Variants in INHBC observed in about 807,000 individuals in gnomAD.
INHBC encodes the protein inhibin beta C chain.
INHBC carries 10 observed loss-of-function variants against 12.4 expected under a neutral mutation model. That is an observed-to-expected ratio of 0.81 (90% confidence interval 0.50 to 1.37). INHBC has a LOEUF of 1.37. Among genes scored for constraint, INHBC ranks in the 40% most tolerant of loss-of-function variants. INHBC has a pLI of 0.00. For missense variants in INHBC, 382 were observed against 439.4 expected, an observed-to-expected ratio of 0.87 and a Z score of 1.17; for synonymous variants, 147 against 171.6, an observed-to-expected ratio of 0.86 and a Z score of 1.12.
At chr12:57,436,167 C>CTTT (rs35783961) in intron 1 of INHBC, among the ~76,000 whole-genome samples, 2 of 118,390 alleles carry the variant, frequency 1.7e-5, no homozygotes, top group Non-Finnish European at 3.5e-5. Context: ...TTTTAAAAAA[C>CTTT]TTTTTTTTTT....
intron 1 of INHBC, among the ~76,000 whole-genome samples, chr12:57,437,894 TC>T (rs1418059997): frequency 2.6e-5 from 4 of 151,564 alleles, no homozygotes; most frequent in African/African-American, 9.7e-5. Flanking sequence ...CAAGCCATTC[TC>T]CTGCCTCAGC....
intron 1 of INHBC, among the ~76,000 whole-genome samples, chr12:57,441,291 T>A (rs1594727294): frequency 7.0e-6 from 1 of 142,652 alleles, no homozygotes; most frequent in South Asian, 2.2e-4. Flanking sequence ...GGGGTGGAGG[T>A]TGCAGTGAGC....
Position 57,449,793 on chromosome 12 carries a change from T to C in INHBC, c.830T>C (p.Ile277Thr), listed in dbSNP as rs893312220. The C allele has an allele frequency of 6.2e-7, 1 of 1,614,198 alleles. No homozygotes were observed. The change falls in exon 2 of 2, where the codon ATA becomes ACA. Residue 277 changes from isoleucine to threonine, a missense_variant. Ile to Thr is a moderately conservative substitution (Grantham distance 89, BLOSUM62 -1). Transcript: ENST00000309668. ...QPEGYAMNFC[I>T]GQCPLHIAGM... ...GAGGGCTACGCCATGAACTTCTGCATAGGGCAGTGCCCACTACACATAGCA... is the reference window on the plus strand; with the variant it reads ...GAGGGCTACGCCATGAACTTCTGCACAGGGCAGTGCCCACTACACATAGCA...
intron 1 of INHBC, among the ~76,000 whole-genome samples, chr12:57,443,576 G>A (rs1029844312): frequency 5.3e-5 from 8 of 151,562 alleles, no homozygotes; most frequent in African/African-American, 1.7e-4. Flanking sequence ...GAGCCACTGC[G>A]CCGGGCCTCA....
At chr12:57,445,192 T>A (rs1489897313) in intron 1 of INHBC, among the ~76,000 whole-genome samples, 1 of 152,224 alleles carries the variant, frequency 6.6e-6, no homozygotes, top group Non-Finnish European at 1.5e-5. Flanking sequence ...GTGTAGTAGT[T>A]AAGTGTCAAA....
chr12:57,437,329 GAGTATAT>G (rs2139829903), intron 1 of INHBC, among the ~76,000 whole-genome samples: 1 of 152,190 alleles, frequency 6.6e-6, no homozygotes, highest in East Asian at 1.9e-4. Context: ...GGAATAGTTG[GAGTATAT>G]AGTGAGCAGA....
At chr12:57,441,154 G>T (rs1870454357) in intron 1 of INHBC, among the ~76,000 whole-genome samples, 1 of 152,064 alleles carries the variant, frequency 6.6e-6, no homozygotes, top group African/African-American at 2.4e-5. Context: ...AGGAGTTCGA[G>T]ATCAGCCTGA....
At chr12:57,445,004 G>C (rs1242398354) in intron 1 of INHBC, among the ~76,000 whole-genome samples, 1 of 152,140 alleles carries the variant, frequency 6.6e-6, no homozygotes, top group Non-Finnish European at 1.5e-5. Context: ...AGATAGATTA[G>C]GAAGGAAGCC....
In INHBC at chr12:57,451,943, T is replaced by C. The variant is rs1054264716; in HGVS notation, c.*1921T>C. 8.3e-5 allele frequency: 35 copies of C among 422,888 alleles called. No individual in the cohort carries two copies. Among genetic ancestry groups the C allele is most frequent in the African/African-American group, 6.6e-4 (32 of 48,442 alleles). 26.2% of individuals were successfully genotyped at this position (422,888 alleles called of 1,614,324 possible). On this transcript the variant is annotated 3_prime_UTR_variant, in exon 2 of 2. Coordinates refer to ENST00000309668, the MANE Select transcript of INHBC (RefSeq NM_005538.4). ...GGGGGGCTAAATTTTAAGGGGGTGGTGAACAATTTATTAATCAAGATAGGA... is the reference window on the plus strand; with the variant it reads ...GGGGGGCTAAATTTTAAGGGGGTGGCGAACAATTTATTAATCAAGATAGGA...
rs185670312 is a variant in INHBC at position 57,441,444 on chromosome 12, G to A, written c.313+6245G>A. Among the ~76,000 whole-genome samples, 599 of 142,846 alleles carry A rather than the reference G, an allele frequency of 4.2e-3. 3 individuals are homozygous for A. The highest frequency in any genetic ancestry group is 4.5e-3 in the Admixed American group (63 of 13,974). 93.7% of individuals were successfully genotyped at this position (142,846 alleles called of 152,430 possible). The stretch of plus-strand genomic sequence containing the variant: ...GGAGGCTGAGGCAGGAGAATTGCTT[G>A]AACCCAGGAGGCAGAGGTTGCAGTG... On this transcript the variant is annotated intron_variant, in intron 1 of 1. Transcript: ENST00000309668.
intron 1 of INHBC, among the ~76,000 whole-genome samples, chr12:57,436,956 C>T (rs774618203): frequency 1.9e-4 from 29 of 152,154 alleles, no homozygotes; most frequent in Admixed American, 2.0e-4. Flanking sequence ...TGTGAGCCAC[C>T]GCGCCCAGCA....
intron 1 of INHBC, among the ~76,000 whole-genome samples, chr12:57,441,877 C>T (rs1870473763): frequency 6.6e-6 from 1 of 152,004 alleles, no homozygotes. Context: ...GACAGGGTTT[C>T]ACCATGTTGG....
At chr12:57,440,910 C>T (rs182445960) in intron 1 of INHBC, among the ~76,000 whole-genome samples, 18 of 152,232 alleles carry the variant, frequency 1.2e-4, no homozygotes, top group Admixed American at 2.0e-4. Context: ...CACTCATTCC[C>T]GAAGCCGGTG....
intron 1 of INHBC, among the ~76,000 whole-genome samples, chr12:57,437,323 T>C (rs970655072): frequency 1.3e-5 from 2 of 151,926 alleles, no homozygotes; most frequent in South Asian, 4.2e-4. Context: ...GACAGGGGAA[T>C]AGTTGGAGTA....
In INHBC at chr12:57,451,410, C is replaced by T. The variant is rs748607812; in HGVS notation, c.*1388C>T. Among the ~76,000 whole-genome samples the T allele has an allele frequency of 6.6e-6, 1 of 152,196 alleles. No individual in the cohort carries two copies. Among genetic ancestry groups the T allele is most frequent in the Non-Finnish European group, 1.5e-5 (1 of 68,038 alleles). On this transcript the variant is annotated 3_prime_UTR_variant, in exon 2 of 2. Coordinates refer to ENST00000309668, the MANE Select transcript of INHBC (RefSeq NM_005538.4). ...TGGAAGCTGGAATGGGCAAGGGCTG[C>T]TGGAGTGGGACAGGGAGAAGAGGAA...
rs1226132171 is a variant in INHBC at position 57,450,541 on chromosome 12, GC to G, written c.*523del. The G allele has an allele frequency of 6.6e-6, 1 of 152,414 alleles. No homozygotes were observed. 9.4% of individuals were successfully genotyped at this position (152,414 alleles called of 1,614,324 possible). ...TTACCTACCCCCCTCTTTGTTGTGA[GC>G]CCCTGTCCTTCTTAGTTGTCCAGGT... On this transcript the variant is annotated 3_prime_UTR_variant, in exon 2 of 2. Coordinates refer to ENST00000309668, the MANE Select transcript of INHBC (RefSeq NM_005538.4).
At chr12:57,445,092 T>G (rs1870546934) in intron 1 of INHBC, among the ~76,000 whole-genome samples, 1 of 152,188 alleles carries the variant, frequency 6.6e-6, no homozygotes, top group African/African-American at 2.4e-5. Context: ...GGAAAGACAT[T>G]CCAGGGAAAG....
intron 1 of INHBC, among the ~76,000 whole-genome samples, chr12:57,440,373 G>A (rs1259011420): frequency 2.4e-5 from 3 of 124,226 alleles, no homozygotes; most frequent in South Asian, 2.7e-4. Context: ...TTGCTATGTC[G>A]CCAGGCTGGA....
At position 57,450,023 on chromosome 12, in the gene INHBC, T is replaced by G; in HGVS notation, c.*1T>G. ...AGTAGAGGCCTGTGGGTGCAGTTAG[T>G]CTATGTGTGGTATGGGCAGCCCAAG... On this transcript the variant is annotated 3_prime_UTR_variant, in exon 2 of 2. Coordinates refer to ENST00000309668, the MANE Select transcript of INHBC (RefSeq NM_005538.4). 6.6e-7 allele frequency: 1 copy of G among 1,510,800 alleles called. No individual in the cohort carries two copies. The highest frequency in any genetic ancestry group is 8.8e-7 in the Non-Finnish European group (1 of 1,131,738). 93.6% of individuals were successfully genotyped at this position (1,510,800 alleles called of 1,614,324 possible). A position where few individuals can be genotyped will look rare whatever the true frequency, so the allele number is the denominator to read the frequency against.
Sources: gnomAD v4.1 joint callset for allele counts (sites outside exome capture counted in the v4.1 genomes callset) on GRCh38, gnomAD v4.1.1 for gene constraint, MANE v1.5 for transcripts, NCBI Gene and HGNC (gene_info 2026-07-23, HGNC 2026-07-21) for gene names.